The following LMBR1 variants were observed in gnomAD, a reference collection of about 807,000 sequenced individuals.
LMBR1 encodes limb region 1 protein homolog.
A neutral mutation model predicts 73.9 loss-of-function variants in LMBR1; 52 were observed. That is an observed-to-expected ratio of 0.70 (90% confidence interval 0.56 to 0.89). LMBR1 has a LOEUF of 0.89. Ranked by LOEUF, LMBR1 falls within the 40% of genes least tolerant of loss-of-function variation. The probability of loss-of-function intolerance (pLI) is 0.00; values close to 1 mark genes in which losing one functional copy is unlikely to be tolerated. For missense variants in LMBR1, 539 were observed against 579.8 expected (o/e 0.93, Z 0.72); for synonymous variants, 215 against 209.4 (o/e 1.03, Z -0.23).
intron 15 of LMBR1, among the ~76,000 whole-genome samples, chr7:156,690,846 A>G (rs1445936810): frequency 2.0e-5 from 3 of 152,332 alleles, no homozygotes; most frequent in Non-Finnish European, 2.9e-5. Flanking sequence ...AATTTTCTAT[A>G]AAGACTGGAC....
At chr7:156,698,887 T>C (rs1808965840) in intron 15 of LMBR1, among the ~76,000 whole-genome samples, 1 of 152,252 alleles carries the variant, frequency 6.6e-6, no homozygotes, top group Non-Finnish European at 1.5e-5. Context: ...GAAAATGGAA[T>C]CTTCTTTTCT....
intron 1 of LMBR1, among the ~76,000 whole-genome samples, chr7:156,866,252 T>C (rs1798442915): frequency 6.6e-6 from 1 of 152,092 alleles, no homozygotes; most frequent in Non-Finnish European, 1.5e-5. Context: ...AAAATTTTAT[T>C]TGGGAGTGAC....
chr7:156,715,181 G>C (rs1367528536), intron 15 of LMBR1, among the ~76,000 whole-genome samples: 1 of 152,002 alleles, frequency 6.6e-6, no homozygotes, highest in Non-Finnish European at 1.5e-5. Flanking sequence ...GGAACTACTG[G>C]CATCAAGTGA....
chr7:156,753,016 T>C (rs1313643669), intron 9 of LMBR1, among the ~76,000 whole-genome samples: 1 of 152,096 alleles, frequency 6.6e-6, no homozygotes, highest in Non-Finnish European at 1.5e-5. Flanking sequence ...TAAATCTCCA[T>C]ACTGAGGAAT....
At chr7:156,765,571 T>C (rs1021329512) in intron 5 of LMBR1, among the ~76,000 whole-genome samples, 1 of 152,216 alleles carries the variant, frequency 6.6e-6, no homozygotes, top group African/African-American at 2.4e-5. Context: ...CTACCACCTT[T>C]AACAATGACT....
chr7:156,754,614 TA>T (rs1821514528), intron 9 of LMBR1, among the ~76,000 whole-genome samples: 1 of 152,134 alleles, frequency 6.6e-6, no homozygotes, highest in Non-Finnish European at 1.5e-5. Context: ...ATAGCAAGAG[TA>T]AAACAATAAA....
chr7:156,746,525 C>T (rs768620027), intron 9 of LMBR1, among the ~76,000 whole-genome samples: 19 of 152,144 alleles, frequency 1.2e-4, no homozygotes, highest in South Asian at 2.1e-4. Context: ...AAATGCTGTG[C>T]TTCTATTTGC....
chr7:156,808,879 A>G (rs972707689), intron 4 of LMBR1, among the ~76,000 whole-genome samples: 5 of 151,638 alleles, frequency 3.3e-5, no homozygotes, highest in African/African-American at 9.7e-5. Context: ...TGTCACTTAG[A>G]AAAAAAAAGA....
chr7:156,696,188 C>T (rs2131988364), intron 15 of LMBR1, among the ~76,000 whole-genome samples: 1 of 152,206 alleles, frequency 6.6e-6, no homozygotes, highest in South Asian at 2.1e-4. Flanking sequence ...AAAGCACAAT[C>T]CATAAAAGAA....
chr7:156,731,908 T>C (rs188273656), intron 10 of LMBR1, among the ~76,000 whole-genome samples: 2 of 150,728 alleles, frequency 1.3e-5, no homozygotes, highest in African/African-American at 4.9e-5. Flanking sequence ...GATCTTGTAA[T>C]TCCATATCTA....
chr7:156,741,720 T>A (rs981510714), intron 9 of LMBR1, among the ~76,000 whole-genome samples: 2 of 152,146 alleles, frequency 1.3e-5, no homozygotes, highest in Non-Finnish European at 2.9e-5. Flanking sequence ...CACCCCACTT[T>A]CAGCATTGGA....
At chr7:156,821,575 G>C (rs1586027802) in intron 4 of LMBR1, among the ~76,000 whole-genome samples, 1 of 152,236 alleles carries the variant, frequency 6.6e-6, no homozygotes, top group East Asian at 1.9e-4. Flanking sequence ...CAGATGCTCA[G>C]AGTCTTGAAG....
intron 5 of LMBR1, among the ~76,000 whole-genome samples, chr7:156,772,844 G>A (rs1193436496): frequency 6.7e-6 from 1 of 148,438 alleles, no homozygotes; most frequent in African/African-American, 2.5e-5. Context: ...AACGAAAAGA[G>A]AAGAGAGGAG....
At chr7:156,887,380 C>A (rs1987397) in intron 1 of LMBR1, among the ~76,000 whole-genome samples, 4 of 151,298 alleles carry the variant, frequency 2.6e-5, no homozygotes, top group Admixed American at 6.6e-5. Context: ...GGAGAATTGC[C>A]TGAACCCGGG....
chr7:156,848,097 CTT>C (rs1280546558), intron 1 of LMBR1, among the ~76,000 whole-genome samples: 1 of 150,778 alleles, frequency 6.6e-6, no homozygotes, highest in Non-Finnish European at 1.5e-5. Context: ...GGAGTAAAGA[CTT>C]AAATGTAAAA....
chr7:156,783,804 T>A (rs1250324974), intron 5 of LMBR1, among the ~76,000 whole-genome samples: 1 of 152,118 alleles, frequency 6.6e-6, no homozygotes, highest in African/African-American at 2.4e-5. Flanking sequence ...CTCTTACCCA[T>A]AACAGGAAAG....
rs1198850228 is a variant in LMBR1, at chr7:156,763,735, G to A, written c.484C>T (p.Leu162Phe). 2 of 1,605,880 alleles carry A rather than the reference G, an allele frequency of 1.2e-6. No homozygotes were observed. Among genetic ancestry groups the A allele is most frequent in the East Asian group, 2.3e-5 (1 of 44,184 alleles). Residue 162 changes from leucine (L) to phenylalanine (F), a missense_variant, in exon 6 of 17, where the codon CTT becomes TTT. Leu to Phe is a conservative substitution (Grantham distance 22). This residue lies in a region of LMBR1 where 454 missense variants were observed against 473.4 expected (regional missense o/e 0.96). Transcript: ENST00000353442. Reference sequence around the variant, plus strand: ...GCTGAAGCTACCCACACTATCCCAAGAATGAGTAACGCAAGAAGAAGAAGC... The same window carrying A: ...GCTGAAGCTACCCACACTATCCCAAAAATGAGTAACGCAAGAAGAAGAAGC... ...VMLLLLALLI[L>F]GIVWVASALI...
At chr7:156,692,099 G>C (rs368535392) in intron 15 of LMBR1, among the ~76,000 whole-genome samples, 10 of 152,084 alleles carry the variant, frequency 6.6e-5, no homozygotes, top group African/African-American at 2.4e-4. Flanking sequence ...TTTTGAGATG[G>C]AGTTTTGCAC....
intron 15 of LMBR1, among the ~76,000 whole-genome samples, chr7:156,720,951 A>C (rs1814432262): frequency 6.6e-6 from 1 of 151,896 alleles, no homozygotes; most frequent in Non-Finnish European, 1.5e-5. Flanking sequence ...CCAAATAAAG[A>C]CCTCTCCAAA....
Sources: gnomAD v4.1 joint callset for allele counts (sites outside exome capture counted in the v4.1 genomes callset) on GRCh38, gnomAD v4.1.1 for gene constraint, gnomAD v4.1.1 regional missense constraint, MANE v1.5 for transcripts, NCBI Gene and HGNC (gene_info 2026-07-23, HGNC 2026-07-21) for gene names.